DGKI: variants seen among roughly 807,000 people sequenced by gnomAD.
The protein encoded by DGKI is diacylglycerol kinase iota, also known as DAG kinase iota.
DGKI carries 55 observed loss-of-function variants against 147.5 expected under a neutral mutation model. The ratio of observed to expected loss-of-function variants is 0.37; its 90% CI spans 0.30 to 0.47. The LOEUF (loss-of-function observed/expected upper bound fraction) is 0.47. Among genes scored for constraint, DGKI ranks in the 20% least tolerant of loss-of-function variants. The probability of loss-of-function intolerance (pLI) is 1.00; values close to 1 mark genes in which losing one functional copy is unlikely to be tolerated. For synonymous variants in DGKI, 469 were observed against 477.1 expected (o/e 0.98, Z 0.22); for missense variants, 1,007 against 1,323.8 (o/e 0.76, Z 3.71).
chr7:137,463,648 A>G, intron 26 of DGKI, 37 bp from the exon 27 acceptor site: 5 of 1,599,676 alleles, frequency 3.1e-6, no homozygotes, highest in Non-Finnish European at 4.3e-6. Flanking sequence ...TTAAACATTC[A>G]AAGTCAGCCA....
intron 21 of DGKI, among the ~76,000 whole-genome samples, chr7:137,488,576 T>C (rs1369097236): frequency 6.6e-6 from 1 of 152,140 alleles, no homozygotes; most frequent in Admixed American, 6.5e-5. Flanking sequence ...ATTAAATCCA[T>C]GATCTAACAT....
intron 1 of DGKI, among the ~76,000 whole-genome samples, chr7:137,789,991 C>A (rs185690150): frequency 6.6e-6 from 1 of 152,266 alleles, no homozygotes; most frequent in East Asian, 1.9e-4. Context: ...TTGCACACTT[C>A]TTCAGAAAAG....
At chr7:137,824,631 G>T (rs765596836) in intron 1 of DGKI, among the ~76,000 whole-genome samples, 3 of 151,910 alleles carry the variant, frequency 2.0e-5, no homozygotes, top group Non-Finnish European at 4.4e-5. Context: ...TTACACAAGC[G>T]GTTGGTTGTA....
At chr7:137,602,909 C>T (rs1820044064) in intron 10 of DGKI, among the ~76,000 whole-genome samples, 1 of 151,762 alleles carries the variant, frequency 6.6e-6, no homozygotes, top group Non-Finnish European at 1.5e-5. Context: ...AAAAAAACAG[C>T]TTATATGCCA....
chr7:137,404,865 A>T (rs1434151638), intron 30 of DGKI, among the ~76,000 whole-genome samples: 3 of 152,130 alleles, frequency 2.0e-5, no homozygotes, highest in African/African-American at 7.2e-5. Context: ...GGTGATGAGA[A>T]ACTGATTTGT....
chr7:137,716,609 T>C (rs1794384519), intron 1 of DGKI, among the ~76,000 whole-genome samples: 1 of 152,210 alleles, frequency 6.6e-6, no homozygotes, highest in Non-Finnish European at 1.5e-5. Flanking sequence ...GCTGAACACA[T>C]GCAGGGTGTG....
chr7:137,517,912 C>T (rs1422421620), intron 21 of DGKI, among the ~76,000 whole-genome samples: 2 of 152,100 alleles, frequency 1.3e-5, no homozygotes, highest in East Asian at 3.8e-4. Flanking sequence ...TTTAGTTACA[C>T]TTTCTTCCCA....
intron 11 of DGKI, among the ~76,000 whole-genome samples, chr7:137,599,393 G>GCA (rs144091863): frequency 0.025 from 3,688 of 150,356 alleles, 57 homozygotes; most frequent in Non-Finnish European, 0.035. Flanking sequence ...ACAAGCGCGC[G>GCA]CACACACACA....
At chr7:137,758,234 C>A (rs1795747355) in intron 1 of DGKI, among the ~76,000 whole-genome samples, 1 of 152,154 alleles carries the variant, frequency 6.6e-6, no homozygotes, top group Admixed American at 6.5e-5. Flanking sequence ...TTCTATGAGC[C>A]CCTGGGTGAG....
At chr7:137,645,663 C>T (rs537413959) in intron 5 of DGKI, 126 bp from the exon 6 acceptor site, 11 of 781,956 alleles carry the variant, frequency 1.4e-5, no homozygotes, top group Admixed American at 5.7e-5. Context: ...AACTCCTCTG[C>T]TCAAGCAATT....
rs1156312584 is a variant in DGKI, at chr7:137,389,349, G to C, written c.*1871C>G. 6.6e-6 allele frequency: 1 copy of C among 152,124 alleles called. No homozygotes were observed. The highest frequency in any genetic ancestry group is 1.5e-5 in the Non-Finnish European group (1 of 68,032). The allele number at this position is 152,124 out of a possible 1,614,324, so 9.4% of individuals were successfully genotyped here. On this transcript the variant is annotated 3_prime_UTR_variant, in exon 33 of 33. Coordinates refer to ENST00000614521, the MANE Select transcript of DGKI (RefSeq NM_001321708.2). ...ACAATTTGATTTTGAAATGACTATG[G>C]AAAGACTGTGGTAATAAAATCCCCA... is the stretch of plus-strand genomic sequence containing the variant.
chr7:137,386,525 T>C lies in DGKI; in HGVS notation c.*4695A>G, dbSNP rs759323260. 1 of 152,186 alleles carries C rather than the reference T, an allele frequency of 6.6e-6. No homozygotes were observed. Among genetic ancestry groups the C allele is most frequent in the Non-Finnish European group, 1.5e-5 (1 of 68,020 alleles). 9.4% of individuals were successfully genotyped at this position (152,186 alleles called of 1,614,324 possible). The stretch of plus-strand genomic sequence containing the variant: ...TGTGTCCTTTGAGTAAAAGGTATAC[T>C]TGTCCCAGAGGGTAATTTCATTTTG... On this transcript the variant is annotated 3_prime_UTR_variant, in exon 33 of 33. Transcript: ENST00000614521.
chr7:137,800,896 A>G (rs763672652), intron 1 of DGKI, among the ~76,000 whole-genome samples: 4 of 152,194 alleles, frequency 2.6e-5, no homozygotes, highest in African/African-American at 4.8e-5. Context: ...CTATATACTC[A>G]GTAAAGTTTG....
At chr7:137,547,953 T>A (rs969399316) in intron 20 of DGKI, among the ~76,000 whole-genome samples, 1 of 151,864 alleles carries the variant, frequency 6.6e-6, no homozygotes, top group Non-Finnish European at 1.5e-5. Context: ...AAAACCAGGA[T>A]GATGTAGGAG....
intron 3 of DGKI, among the ~76,000 whole-genome samples, chr7:137,658,707 G>A (rs547212124): frequency 2.2e-4 from 33 of 152,342 alleles, no homozygotes; most frequent in East Asian, 1.2e-3. Flanking sequence ...GAAGCCTCAT[G>A]CATTCAATGA....
At chr7:137,407,572 C>T (rs534883157) in intron 30 of DGKI, among the ~76,000 whole-genome samples, 42 of 152,042 alleles carry the variant, frequency 2.8e-4, no homozygotes, top group Non-Finnish European at 4.0e-4. Flanking sequence ...ATAAAGCACA[C>T]GATGCCAGGC....
chr7:137,580,856 T>G (rs1368767451), intron 15 of DGKI, among the ~76,000 whole-genome samples: 1 of 152,122 alleles, frequency 6.6e-6, no homozygotes, highest in African/African-American at 2.4e-5. Context: ...ACTTCCTTTC[T>G]TACATAACCT....
chr7:137,403,538 G>A (rs1811839890), intron 30 of DGKI, among the ~76,000 whole-genome samples: 1 of 152,176 alleles, frequency 6.6e-6, no homozygotes, highest in Non-Finnish European at 1.5e-5. Context: ...GCAGAGCAGA[G>A]GGGAGAGGGG....
At chr7:137,466,454 T>C (rs117289940) in intron 25 of DGKI, among the ~76,000 whole-genome samples, 1,602 of 151,274 alleles carry the variant, frequency 0.011, 14 homozygotes, top group Non-Finnish European at 0.016. Context: ...AGAATTCAGA[T>C]AATGGGAGGA....
Sources: gnomAD v4.1 joint callset for allele counts (sites outside exome capture counted in the v4.1 genomes callset) on GRCh38, gnomAD v4.1.1 for gene constraint, MANE v1.5 for transcripts, NCBI Gene and HGNC (gene_info 2026-07-23, HGNC 2026-07-21) for gene names.